The following PHTF1 variants were observed in gnomAD, a reference collection of about 807,000 sequenced individuals.
The protein encoded by PHTF1 is putative homeodomain transcription factor 1.
A neutral mutation model predicts 102.4 loss-of-function variants in PHTF1; 88 were observed. The ratio of observed to expected loss-of-function variants is 0.86; its 90% CI spans 0.72 to 1.03. PHTF1 has a LOEUF of 1.03. PHTF1 is among the 50% of genes least tolerant of loss of function. The pLI, the probability that PHTF1 is intolerant of heterozygous loss-of-function variation, is 0.00. For synonymous variants in PHTF1, 289 were observed against 305.2 expected (o/e 0.95, Z 0.55); for missense variants, 814 against 909.5 (o/e 0.89, Z 1.35).
At chr1:113,752,620 G>A (rs1170074923) in intron 3 of PHTF1, among the ~76,000 whole-genome samples, 9 of 151,900 alleles carry the variant, frequency 5.9e-5, no homozygotes, top group South Asian at 2.1e-4. Context: ...TCCTGACCTC[G>A]TGATCCACCC....
intron 3 of PHTF1, among the ~76,000 whole-genome samples, chr1:113,756,491 G>A (rs1007376236): frequency 6.6e-6 from 1 of 152,164 alleles, no homozygotes; most frequent in African/African-American, 2.4e-5. Flanking sequence ...AGAATCAGCT[G>A]GCATTTATCA....
intron 5 of PHTF1, among the ~76,000 whole-genome samples, chr1:113,727,998 G>A (rs1386203785): frequency 2.0e-5 from 3 of 152,040 alleles, no homozygotes; most frequent in Non-Finnish European, 2.9e-5. Flanking sequence ...ATTGGTTGGT[G>A]AAGCGGAAAT....
chr1:113,714,993 C>G (rs1190731630), intron 7 of PHTF1: 2 of 152,296 alleles, frequency 1.3e-5, no homozygotes, highest in African/African-American at 2.4e-5. Flanking sequence ...CCTGGTAATC[C>G]AGAGAATTCT....
chr1:113,753,068 T>C (rs1658328846), intron 3 of PHTF1, among the ~76,000 whole-genome samples: 3 of 152,244 alleles, frequency 2.0e-5, no homozygotes, highest in Admixed American at 6.5e-5. Flanking sequence ...CCTATTAATA[T>C]GGCATATTAC....
intron 3 of PHTF1, among the ~76,000 whole-genome samples, chr1:113,750,844 C>CA (rs529852605): frequency 0.17 from 15,723 of 90,196 alleles, 1,028 homozygotes; most frequent in East Asian, 0.31. Context: ...ACTCTGTCTC[C>CA]AAAAAAAAAA....
intron 15 of PHTF1, among the ~76,000 whole-genome samples, chr1:113,702,446 G>T (rs1157788701): frequency 1.3e-5 from 2 of 151,806 alleles, no homozygotes. Flanking sequence ...AGACTGTGAG[G>T]ATGGATTAAA....
In PHTF1 at chr1:113,704,690, C is replaced by A. The variant is rs1026631050; in HGVS notation, c.1779G>T (p.Trp593Cys). The A allele has an allele frequency of 5.0e-6, 8 of 1,592,506 alleles. No homozygotes were observed. Among genetic ancestry groups the A allele is most frequent in the Non-Finnish European group, 6.9e-6 (8 of 1,164,230 alleles). Residue 593 changes from tryptophan (W) to cysteine (C), a missense_variant, in exon 14 of 19, where the codon TGG becomes TGT. Transcript: ENST00000369604. ...CCTTTAGATAGGAACGCAGTGATAA[C>A]CATATTTTAATATTCTCCACCTTCT... ...RLKKVENIKIWLSLRSYLKRR... is the reference protein window; with the variant it reads ...RLKKVENIKICLSLRSYLKRR...
chr1:113,745,975 T>A (rs1657178087), intron 3 of PHTF1, among the ~76,000 whole-genome samples: 1 of 152,336 alleles, frequency 6.6e-6, no homozygotes, highest in East Asian at 1.9e-4. Context: ...CTGTCTTCCA[T>A]GAAACTGGTC....
intron 5 of PHTF1, among the ~76,000 whole-genome samples, chr1:113,734,272 AAAAC>A (rs1229569158): frequency 6.6e-5 from 10 of 152,162 alleles, no homozygotes; most frequent in Non-Finnish European, 1.2e-4. Flanking sequence ...AAAACAAAAT[AAAAC>A]AAACAAACAA....
At chr1:113,712,543 A>C (rs2101189009) in intron 8 of PHTF1, among the ~76,000 whole-genome samples, 1 of 152,364 alleles carries the variant, frequency 6.6e-6, no homozygotes, top group Admixed American at 6.5e-5. Context: ...TGGTTATAGT[A>C]ACGGCTCAAT....
At chr1:113,751,039 AC>A (rs1396554326) in intron 3 of PHTF1, among the ~76,000 whole-genome samples, 1 of 152,140 alleles carries the variant, frequency 6.6e-6, no homozygotes, top group African/African-American at 2.4e-5. Context: ...GGGAGGGAGA[AC>A]TGCTTAAGCC....
intron 2 of PHTF1, 67 bp from the exon 3 acceptor site, chr1:113,757,822 T>C: frequency 1.0e-6 from 1 of 987,328 alleles, no homozygotes; most frequent in African/African-American, 1.6e-5. Flanking sequence ...AAGTCAAGCC[T>C]CATAAAAGTC....
intron 3 of PHTF1, among the ~76,000 whole-genome samples, chr1:113,739,469 G>A (rs1031688334): frequency 1.1e-4 from 17 of 152,056 alleles, no homozygotes; most frequent in Admixed American, 2.6e-4. Flanking sequence ...TAATTGACAC[G>A]TTATAATTGT....
At chr1:113,723,392 G>A (rs1386170982) in intron 7 of PHTF1, among the ~76,000 whole-genome samples, 2 of 152,096 alleles carry the variant, frequency 1.3e-5, no homozygotes, top group Non-Finnish European at 2.9e-5. Flanking sequence ...TGGCCAGGCT[G>A]GTCTTGAACT....
Position 113,710,446 on chromosome 1 carries a change from A to G in PHTF1, c.1077T>C (p.Ser359=). The G allele has an allele frequency of 6.2e-7, 1 of 1,614,086 alleles. No individual in the cohort carries two copies. Among genetic ancestry groups the G allele is most frequent in the Non-Finnish European group, 8.5e-7 (1 of 1,179,974 alleles). ...QGSRSGVSGG[S]RSLNMSRRDS... is the part of the protein sequence containing the mutation. Reference sequence around the variant, plus strand: ...CTCTTCTTGACATGTTGAGGCTTCGAGAGCCACCACTCACACCCGATCTAG... The same window carrying G: ...CTCTTCTTGACATGTTGAGGCTTCGGGAGCCACCACTCACACCCGATCTAG... Residue 359 remains serine, a synonymous_variant, in exon 11 of 19, where the codon TCT becomes TCC. Transcript: ENST00000369604.
intron 3 of PHTF1, among the ~76,000 whole-genome samples, chr1:113,747,168 A>G (rs1031220479): frequency 2.0e-5 from 3 of 152,206 alleles, no homozygotes; most frequent in African/African-American, 7.2e-5. Context: ...AGTTTTTTCC[A>G]ATAGAGTTTT....
intron 16 of PHTF1, chr1:113,700,019 A>C: frequency 9.9e-7 from 1 of 1,005,236 alleles, no homozygotes; most frequent in Non-Finnish European, 1.3e-6. Context: ...ATTAATGATG[A>C]AGCAATTTAA....
In PHTF1 at chr1:113,698,323, C is replaced by T; in HGVS notation, c.2207G>A (p.Arg736Lys). ...TMNPLIYNIT[R>K]VVILSAVSGV... is the part of the protein sequence containing the mutation. ...TGAGACAGCAGAAAGGATAACTACT[C>T]TTGTGATATTGTAGATTAAGGGATT... The change falls in exon 18 of 19, where the codon AGA becomes AAA. Residue 736 changes from arginine (R) to lysine (K), a missense_variant. Coordinates refer to ENST00000369604, the MANE Select transcript of PHTF1 (RefSeq NM_001323043.2). The T allele has an allele frequency of 6.2e-7, 1 of 1,607,640 alleles. No homozygotes were observed. The highest frequency in any genetic ancestry group is 8.5e-7 in the Non-Finnish European group (1 of 1,174,294).
intron 11 of PHTF1, among the ~76,000 whole-genome samples, chr1:113,707,792 T>C (rs1465827838): frequency 6.6e-6 from 1 of 152,132 alleles, no homozygotes; most frequent in Non-Finnish European, 1.5e-5. Flanking sequence ...GAAGTTACTA[T>C]ACAGCATGGT....
Sources: gnomAD v4.1 joint callset for allele counts (sites outside exome capture counted in the v4.1 genomes callset) on GRCh38, gnomAD v4.1.1 for gene constraint, MANE v1.5 for transcripts, NCBI Gene and HGNC (gene_info 2026-07-23, HGNC 2026-07-21) for gene names.